CHST9: variants seen among roughly 807,000 people sequenced by gnomAD.
CHST9 encodes carbohydrate sulfotransferase 9, also known as GalNAc-4-sulfotransferase 2.
A neutral mutation model predicts 44.4 loss-of-function variants in CHST9; 41 were observed. The ratio of observed to expected loss-of-function variants is 0.92; its 90% CI spans 0.72 to 1.20. The LOEUF is 1.20. CHST9 is among the 50% of genes most tolerant of loss of function. The probability of loss-of-function intolerance (pLI) is 0.00; values close to 1 mark genes in which losing one functional copy is unlikely to be tolerated. For missense variants in CHST9, 504 were observed against 516.5 expected, an observed-to-expected ratio of 0.98 and a Z score of 0.23; for synonymous variants, 171 against 178.4, an observed-to-expected ratio of 0.96 and a Z score of 0.33.
At chr18:27,006,054 C>T (rs2057012128) in intron 4 of CHST9, among the ~76,000 whole-genome samples, 2 of 152,104 alleles carry the variant, frequency 1.3e-5, no homozygotes, top group African/African-American at 4.8e-5. Flanking sequence ...TTCTCACTTG[C>T]ACTCCCTGTA....
intron 4 of CHST9, among the ~76,000 whole-genome samples, chr18:27,012,444 T>C (rs1429332795): frequency 2.0e-5 from 3 of 152,178 alleles, no homozygotes; most frequent in Non-Finnish European, 4.4e-5. Flanking sequence ...GTGGATCTCA[T>C]AAAGATCTTC....
At chr18:26,964,842 A>C (rs1354837450) in intron 4 of CHST9, among the ~76,000 whole-genome samples, 1 of 152,248 alleles carries the variant, frequency 6.6e-6, no homozygotes, top group African/African-American at 2.4e-5. Context: ...AGAGTACAGC[A>C]GAAGAAGAGA....
At chr18:27,184,794 G>A (rs2058942820) in intron 1 of CHST9, among the ~76,000 whole-genome samples, 2 of 152,248 alleles carry the variant, frequency 1.3e-5, no homozygotes, top group South Asian at 4.1e-4. Flanking sequence ...CTGGAGTCCA[G>A]GGTGCCCCGC....
rs537543732 is a variant in CHST9 at position 26,917,032 on chromosome 18, T to G, written c.559A>C (p.Lys187Gln). The G allele has an allele frequency of 1.2e-6, 2 of 1,613,982 alleles. No homozygotes were observed. Among genetic ancestry groups the G allele is most frequent in the Non-Finnish European group, 1.7e-6 (2 of 1,179,892 alleles). ...KRRSFLQEFCKKYGGVSHHQS... is the reference protein window; with the variant it reads ...KRRSFLQEFCQKYGGVSHHQS... ...TGATGACTCACCCCACCGTATTTCT[T>G]GCAAAACTCCTGAAGGAAAGACCTT... The change falls in exon 6 of 6, where the codon AAG (lysine) becomes CAG (glutamine). Residue 187 changes from lysine (K) to glutamine (Q), a missense_variant. Physicochemically the swap from Lys to Gln is moderately conservative, Grantham distance 53 (BLOSUM62 1). Coordinates refer to ENST00000618847, the MANE Select transcript of CHST9 (RefSeq NM_031422.6).
intron 4 of CHST9, among the ~76,000 whole-genome samples, chr18:26,974,708 C>G (rs1487703086): frequency 6.8e-6 from 1 of 146,482 alleles, no homozygotes; most frequent in East Asian, 2.0e-4. Context: ...GGGTCTCACT[C>G]TGTCACCCAG....
intron 4 of CHST9, among the ~76,000 whole-genome samples, chr18:27,019,977 A>T (rs1031719658): frequency 2.0e-5 from 3 of 152,040 alleles, no homozygotes; most frequent in Non-Finnish European, 4.4e-5. Flanking sequence ...AAATGAATAG[A>T]TGCTTGTCTT....
At chr18:27,114,104 A>C (rs1163899058) in intron 2 of CHST9, among the ~76,000 whole-genome samples, 3 of 152,222 alleles carry the variant, frequency 2.0e-5, no homozygotes, top group Non-Finnish European at 4.4e-5. Context: ...AACTGACATA[A>C]TGCAAACTTG....
chr18:27,002,300 T>C lies in CHST9; in HGVS notation c.202+21816A>G, dbSNP rs547956103. The stretch of plus-strand genomic sequence containing the variant: ...TTGCTATTTCCTTTATTGCATTATG[T>C]AGCCTCCTGCAACAAAAACTGAGCT... On this transcript the variant is annotated intron_variant, in intron 4 of 5. Transcript: ENST00000618847. 1.2e-4 allele frequency among the ~76,000 whole-genome samples: 19 copies of C among 152,278 alleles called. 1 individual carries two copies. In the South Asian group the frequency reaches 3.9e-3, roughly 32 times the overall value.
intron 4 of CHST9, among the ~76,000 whole-genome samples, chr18:27,007,188 A>G (rs2057027071): frequency 6.6e-6 from 1 of 152,178 alleles, no homozygotes; most frequent in Admixed American, 6.5e-5. Context: ...ATCCCTTTCA[A>G]TTACAACTAT....
chr18:26,913,937 T>C lies in CHST9; in HGVS notation c.*2322A>G, dbSNP rs890224816. 5.3e-5 allele frequency: 8 copies of C among 152,204 alleles called. No individual in the cohort carries two copies. Among genetic ancestry groups the C allele is most frequent in the African/African-American group, 1.9e-4 (8 of 41,458 alleles). 9.4% of individuals were successfully genotyped at this position (152,204 alleles called of 1,614,324 possible). On this transcript the variant is annotated 3_prime_UTR_variant, in exon 6 of 6. Transcript: ENST00000618847. ...ATGAAGAGCAGGTACATAAAAAGTT[T>C]GTTCTTACTTGGCAAAGACATGCAT...
intron 4 of CHST9, among the ~76,000 whole-genome samples, chr18:26,979,351 TC>T: frequency 6.6e-6 from 1 of 152,216 alleles, no homozygotes; most frequent in East Asian, 1.9e-4. Context: ...TTTCTTTTTT[TC>T]TATGCATATA....
rs541246322 is a variant in CHST9 at position 27,117,770 on chromosome 18, C to T, written c.121+24919G>A. ...AGTAATATTACATTGTGTAGAAGTA[C>T]CACAGTTAACTTGTCCATTCACTTA... is the stretch of plus-strand genomic sequence containing the variant. On this transcript the variant is annotated intron_variant, in intron 2 of 5. Transcript: ENST00000618847. 3.3e-5 allele frequency among the ~76,000 whole-genome samples: 5 copies of T among 152,234 alleles called. No homozygotes were observed. In the East Asian group the frequency reaches 9.6e-4, roughly 29 times the overall value.
chr18:26,970,424 C>CTATTAT (rs994833893), intron 4 of CHST9, among the ~76,000 whole-genome samples: 1 of 151,840 alleles, frequency 6.6e-6, no homozygotes. Flanking sequence ...GAGGTACGTA[C>CTATTAT]TATTATTATT....
rs1294989677 is a variant in CHST9 at position 26,992,235 on chromosome 18, G to A, written c.202+31881C>T. Among the ~76,000 whole-genome samples, 2 of 126,454 alleles carry A rather than the reference G, an allele frequency of 1.6e-5. 1 individual carries two copies. The highest frequency in any genetic ancestry group is 3.6e-5 in the Non-Finnish European group (2 of 55,492). 83.0% of individuals were successfully genotyped at this position (126,454 alleles called of 152,430 possible). ...CAGCCCCTCACTCTGAATTAGAAGC[G>A]AGTGACATGAAGAACAAATCACACC... On this transcript the variant is annotated intron_variant, in intron 4 of 5. Coordinates refer to ENST00000618847, the MANE Select transcript of CHST9 (RefSeq NM_031422.6).
chr18:26,995,763 A>G (rs1448576091), intron 4 of CHST9, among the ~76,000 whole-genome samples: 1 of 152,234 alleles, frequency 6.6e-6, no homozygotes, highest in African/African-American at 2.4e-5. Context: ...GAAAGTTTTC[A>G]ACACAATAAC....
At chr18:26,932,579 AC>A (rs1436565053) in intron 5 of CHST9, among the ~76,000 whole-genome samples, 1 of 151,874 alleles carries the variant, frequency 6.6e-6, no homozygotes, top group African/African-American at 2.4e-5. Context: ...GTACCTTTCA[AC>A]CCCTGATAAA....
intron 4 of CHST9, among the ~76,000 whole-genome samples, chr18:27,012,462 T>G (rs964551045): frequency 6.6e-6 from 1 of 152,186 alleles, no homozygotes; most frequent in Non-Finnish European, 1.5e-5. Flanking sequence ...TTCATCCTTG[T>G]CTTCACATTG....
At chr18:27,166,809 A>C (rs1567946810) in intron 1 of CHST9, among the ~76,000 whole-genome samples, 1 of 152,232 alleles carries the variant, frequency 6.6e-6, no homozygotes, top group Non-Finnish European at 1.5e-5. Flanking sequence ...GATCAACAGG[A>C]GAAAAACATA....
chr18:26,981,145 T>G (rs1423172271), intron 4 of CHST9, among the ~76,000 whole-genome samples: 1 of 152,216 alleles, frequency 6.6e-6, no homozygotes, highest in Non-Finnish European at 1.5e-5. Flanking sequence ...GATTGGGAAA[T>G]TAGAATTGGT....
Sources: allele counts gnomAD v4.1 joint callset (sites outside exome capture counted in the v4.1 genomes callset), GRCh38; gene constraint gnomAD v4.1.1; transcripts MANE v1.5; gene names NCBI Gene and HGNC (gene_info 2026-07-23, HGNC 2026-07-21).